CROT: variants seen among roughly 807,000 people sequenced by gnomAD.
The protein encoded by CROT is carnitine O-octanoyltransferase, also known as peroxisomal carnitine O-octanoyltransferase.
In CROT, 84 loss-of-function variants were observed where a neutral mutation model predicts 89.2. That is an observed-to-expected ratio of 0.94 (90% CI 0.79 to 1.13). CROT has a LOEUF of 1.13. Ranked by LOEUF, CROT falls within the 50% of genes most tolerant of loss-of-function variation. The pLI is 0.00. For missense variants in CROT, 711 were observed against 727.8 expected (o/e 0.98, Z 0.27); for synonymous variants, 212 against 239.5 (o/e 0.89, Z 1.06).
At chr7:87,397,845 AT>A in intron 17 of CROT, among the ~76,000 whole-genome samples, 1 of 152,336 alleles carries the variant, frequency 6.6e-6, no homozygotes, top group Middle Eastern at 3.4e-3. Flanking sequence ...TTCCAGAAGC[AT>A]TACATTGCAC....
chr7:87,375,311 G>T (rs531754672), intron 7 of CROT: 18 of 226,124 alleles, frequency 8.0e-5, no homozygotes, highest in African/African-American at 4.1e-4. Flanking sequence ...CCATTGTAAG[G>T]ATATTTACAG....
At chr7:87,390,371 G>T (rs1371012772) in intron 13 of CROT, among the ~76,000 whole-genome samples, 1 of 152,078 alleles carries the variant, frequency 6.6e-6, no homozygotes, top group Admixed American at 6.6e-5. Flanking sequence ...TATTTCATTT[G>T]AGGTTACAGT....
chr7:87,348,536 A>G (rs1465664670), intron 2 of CROT, among the ~76,000 whole-genome samples: 1 of 152,202 alleles, frequency 6.6e-6, no homozygotes, highest in Non-Finnish European at 1.5e-5. Flanking sequence ...TTTTCTATAC[A>G]TCAAATACTA....
intron 3 of CROT, among the ~76,000 whole-genome samples, chr7:87,356,937 G>T (rs188836100): frequency 6.6e-6 from 1 of 152,214 alleles, no homozygotes; most frequent in East Asian, 1.9e-4. Context: ...CAGGAGAATC[G>T]CCTGAACCTG....
chr7:87,358,264 T>G (rs1226171250), intron 3 of CROT, among the ~76,000 whole-genome samples: 1 of 150,706 alleles, frequency 6.6e-6, no homozygotes, highest in Non-Finnish European at 1.5e-5. Context: ...GATCACGAGG[T>G]CAGGAGATCG....
chr7:87,383,360 G>GTATT (rs1487764458), intron 13 of CROT, among the ~76,000 whole-genome samples: 1 of 151,990 alleles, frequency 6.6e-6, no homozygotes, highest in Non-Finnish European at 1.5e-5. Context: ...AGAACCTGCA[G>GTATT]TATTTGTCTT....
At chr7:87,391,855 C>G in intron 14 of CROT, 143 bp downstream of exon 14, 1 of 805,544 alleles carries the variant, frequency 1.2e-6, no homozygotes, top group Non-Finnish European at 1.9e-6. Context: ...GTTTTTAAAG[C>G]ATTTGTTCAT....
intron 6 of CROT, among the ~76,000 whole-genome samples, chr7:87,367,173 A>T (rs802054): frequency 2.0e-5 from 3 of 152,166 alleles, no homozygotes; most frequent in African/African-American, 7.2e-5. Context: ...ACGTTATCCT[A>T]GATTATTCAC....
At chr7:87,390,247 T>C (rs1807316040) in intron 13 of CROT, among the ~76,000 whole-genome samples, 1 of 152,206 alleles carries the variant, frequency 6.6e-6, no homozygotes, top group Non-Finnish European at 1.5e-5. Flanking sequence ...CTACTCCATC[T>C]TTTAAGATTA....
chr7:87,390,254 A>T (rs756259077), intron 13 of CROT, among the ~76,000 whole-genome samples: 9 of 152,282 alleles, frequency 5.9e-5, no homozygotes, highest in Non-Finnish European at 1.0e-4. Flanking sequence ...ATCTTTTAAG[A>T]TTAAGAGTGT....
intron 7 of CROT, among the ~76,000 whole-genome samples, chr7:87,370,586 A>G (rs966092350): frequency 6.6e-6 from 1 of 152,198 alleles, no homozygotes; most frequent in African/African-American, 2.4e-5. Context: ...AGTTTTATTA[A>G]ATATTGCAAA....
At chr7:87,350,425 A>C (rs1301798199) in intron 3 of CROT, among the ~76,000 whole-genome samples, 1 of 152,088 alleles carries the variant, frequency 6.6e-6, no homozygotes, top group African/African-American at 2.4e-5. Flanking sequence ...GTTTTGCTAG[A>C]GCTTTTATTT....
intron 10 of CROT, among the ~76,000 whole-genome samples, chr7:87,380,940 C>G (rs1468416339): frequency 6.6e-6 from 1 of 152,226 alleles, no homozygotes; most frequent in African/African-American, 2.4e-5. Context: ...GGCAGATAAA[C>G]TGCTCAGGCA....
chr7:87,392,961 A>T lies in CROT; in HGVS notation c.1612A>T (p.Asn538Tyr), dbSNP rs753936265. The change falls in exon 17 of 18, where the codon AAT (asparagine) becomes TAT (tyrosine). Residue 538 changes from asparagine (N) to tyrosine (Y), a missense_variant. Asn to Tyr is a moderately radical substitution (Grantham distance 143). Coordinates refer to ENST00000331536, the MANE Select transcript of CROT (RefSeq NM_021151.4). Reference sequence around the variant, plus strand: ...TGTGCCACACAGCGGAGGAGGTGGAAATTTTGTTCTCTCAACAAGTCTGGT... The same window carrying T: ...TGTGCCACACAGCGGAGGAGGTGGATATTTTGTTCTCTCAACAAGTCTGGT... The part of the protein sequence containing the change: ...PLFSKSGGGG[N>Y]FVLSTSLVGY... 54 of 1,613,572 alleles carry T rather than the reference A, an allele frequency of 3.3e-5. No homozygotes were observed. Among genetic ancestry groups the T allele is most frequent in the Non-Finnish European group, 4.6e-5 (54 of 1,179,746 alleles).
chr7:87,352,595 G>A (rs534137404), intron 3 of CROT, among the ~76,000 whole-genome samples: 1 of 152,340 alleles, frequency 6.6e-6, no homozygotes, highest in Admixed American at 6.5e-5. Context: ...TATAGAGGCA[G>A]TTTGCCTGAC....
At chr7:87,381,582 T>C (rs1052505712) in intron 10 of CROT, among the ~76,000 whole-genome samples, 2 of 152,340 alleles carry the variant, frequency 1.3e-5, no homozygotes, top group African/African-American at 2.4e-5. Context: ...GTGTTGCATA[T>C]ATACACTTGC....
intron 2 of CROT, among the ~76,000 whole-genome samples, chr7:87,346,965 G>C (rs923547689): frequency 1.3e-5 from 2 of 152,192 alleles, no homozygotes; most frequent in African/African-American, 2.4e-5. Context: ...CCACCTCCAG[G>C]CTATTTCAGA....
intron 13 of CROT, among the ~76,000 whole-genome samples, chr7:87,384,828 G>A (rs1330777282): frequency 6.6e-6 from 1 of 152,162 alleles, no homozygotes; most frequent in East Asian, 1.9e-4. Flanking sequence ...TTTTCTTTTA[G>A]TAGTTTTATA....
chr7:87,398,548 G>A lies in CROT; in HGVS notation c.1743G>A (p.Trp581Ter), dbSNP rs759397256. 6.2e-7 allele frequency: 1 copy of A among 1,613,742 alleles called. No homozygotes were observed. Among genetic ancestry groups the A allele is most frequent in the South Asian group, 1.1e-5 (1 of 91,060 alleles). ...GGTTTGTTGTGGCCTGTTCAGCCTGGAAATCCTGTCCCGAGACTGATGCGG... is the reference window on the plus strand; with the variant it reads ...GGTTTGTTGTGGCCTGTTCAGCCTGAAAATCCTGTCCCGAGACTGATGCGG... ...DDRFVVACSA[W>*]KSCPETDAEK... Residue 581 changes from tryptophan to a stop codon, truncating the protein, a stop_gained, in exon 18 of 18, where the codon TGG becomes TGA. Transcript: ENST00000331536. LOFTEE classifies it high-confidence loss of function.
Sources: gnomAD v4.1 joint callset for allele counts (sites outside exome capture counted in the v4.1 genomes callset) on GRCh38, gnomAD v4.1.1 for gene constraint, MANE v1.5 for transcripts, NCBI Gene and HGNC (gene_info 2026-07-23, HGNC 2026-07-21) for gene names.